Variants in RCBTB1 observed in about 807,000 individuals in gnomAD.
The protein encoded by RCBTB1 is RCC1 and BTB domain-containing protein 1.
In RCBTB1, 46 loss-of-function variants were observed where a neutral mutation model predicts 62.4. That is an observed-to-expected ratio of 0.74 (90% CI 0.58 to 0.94). The LOEUF (loss-of-function observed/expected upper bound fraction) is 0.94. RCBTB1 is among the 40% of genes least tolerant of loss of function. The pLI is 0.00. For missense variants in RCBTB1, 565 were observed against 654.9 expected (o/e 0.86, Z 1.50); for synonymous variants, 222 against 245.8 (o/e 0.90, Z 0.91).
chr13:49,561,313 G>C (rs1425656198), intron 4 of RCBTB1, among the ~76,000 whole-genome samples: 2 of 152,196 alleles, frequency 1.3e-5, no homozygotes, highest in Non-Finnish European at 2.9e-5. Context: ...ACTGTAGAAC[G>C]AAGACAGCCC....
In RCBTB1 at chr13:49,564,965, G is replaced by C. The variant is rs377375340; in HGVS notation, c.277+1653C>G. Among the ~76,000 whole-genome samples, 10 of 152,156 alleles carry C rather than the reference G, an allele frequency of 6.6e-5. No individual in the cohort carries two copies. The East Asian group carries it at 1.4e-3, about 21-fold the overall frequency. On this transcript the variant is annotated intron_variant, in intron 4 of 12. Coordinates refer to ENST00000378302, the MANE Select transcript of RCBTB1 (RefSeq NM_018191.4). The stretch of plus-strand genomic sequence containing the variant: ...AAGTTGCATTGCAGAACAAAGACCA[G>C]TGAGCTATTAAGGAATAGGATTGCA...
intron 12 of RCBTB1, 102 bp from the exon 13 acceptor site, chr13:49,534,364 C>A (rs1187467340): frequency 8.0e-7 from 1 of 1,243,498 alleles, no homozygotes; most frequent in Non-Finnish European, 1.1e-6. Flanking sequence ...CACCCTCCCC[C>A]AGAAAAGATA....
rs548915176 is a variant in RCBTB1 at position 49,567,378 on chromosome 13, A to G, written c.-41-58T>C. On this transcript the variant is annotated intron_variant, in intron 2 of 12. Transcript: ENST00000378302. ...TAAATAGTCACTGAGCTAACTTTCA[A>G]AAAAAAGACCTGTTAATAAATACTA... 109 of 1,309,996 alleles carry G rather than the reference A, an allele frequency of 8.3e-5. 3 individuals carry two copies. The South Asian group carries it at 1.4e-3, about 17-fold the overall frequency. 81.1% of individuals were successfully genotyped at this position (1,309,996 alleles called of 1,614,324 possible). A position where few individuals can be genotyped will look rare whatever the true frequency, so the allele number is the denominator to read the frequency against.
At chr13:49,566,896 G>A (rs1370166952) in intron 3 of RCBTB1, 128 bp from the exon 4 acceptor site, 7 of 961,178 alleles carry the variant, frequency 7.3e-6, no homozygotes, top group Non-Finnish European at 9.0e-6. Context: ...TGATATGGTT[G>A]TTAAGAAAAA....
chr13:49,567,084 G>C (rs1442831705), intron 3 of RCBTB1, 70 bp downstream of exon 3: 1 of 1,460,350 alleles, frequency 6.8e-7, no homozygotes, highest in East Asian at 2.3e-5. Flanking sequence ...CTCCATCTTT[G>C]AACTGGACAC....
intron 2 of RCBTB1, among the ~76,000 whole-genome samples, chr13:49,569,034 A>C (rs1350018120): frequency 6.6e-6 from 1 of 152,238 alleles, no homozygotes; most frequent in African/African-American, 2.4e-5. Context: ...TCATTCATTT[A>C]ATCCTCACTT....
chr13:49,536,151 G>C (rs895651152), intron 12 of RCBTB1, among the ~76,000 whole-genome samples: 8 of 152,016 alleles, frequency 5.3e-5, no homozygotes, highest in African/African-American at 1.9e-4. Flanking sequence ...CAATTAGTTT[G>C]AACTACTGAG....
Position 49,566,668 on chromosome 13 carries a change from ATCT to A in RCBTB1, c.224_226del (p.Lys75del), listed in dbSNP as rs1963037497. On this transcript the variant is annotated inframe_deletion, in exon 4 of 13. Coordinates refer to ENST00000378302, the MANE Select transcript of RCBTB1 (RefSeq NM_018191.4). ...TCCACTCCCGTAACTGAGGCTTTTA[ATCT>A]TCTTTCCACATAAGCCTTCTAGCTT... The A allele has an allele frequency of 3.1e-6, 5 of 1,614,046 alleles. No homozygotes were observed. The highest frequency in any genetic ancestry group is 3.3e-5 in the Admixed American group (2 of 60,002).
At chr13:49,581,229 G>A (rs1340614059) in intron 1 of RCBTB1, among the ~76,000 whole-genome samples, 1 of 151,954 alleles carries the variant, frequency 6.6e-6, no homozygotes, top group Non-Finnish European at 1.5e-5. Context: ...AAGTCCAGAT[G>A]GCTATGGTAA....
chr13:49,556,441 C>T (rs996472712), intron 5 of RCBTB1, among the ~76,000 whole-genome samples: 11 of 152,132 alleles, frequency 7.2e-5, no homozygotes, highest in African/African-American at 2.2e-4. Flanking sequence ...CCACCCATCT[C>T]GGCCTCCCAA....
Position 49,555,646 on chromosome 13 carries a change from C to T in RCBTB1, c.472G>A (p.Gly158Ser). The T allele has an allele frequency of 6.2e-7, 1 of 1,607,894 alleles. No homozygotes were observed. The change falls in exon 6 of 13, where the codon GGC (glycine) becomes AGC (serine). Residue 158 changes from glycine (G) to serine (S), a missense_variant. Transcript: ENST00000378302. ...GCTGTAGAACCTGATCCCACTTGGC[C>T]ACAGTTGTTATAACCCCAAGCAAAC... ...EVFAWGYNNCGQVGSGSTANQ... is the reference protein window; with the variant it reads ...EVFAWGYNNCSQVGSGSTANQ...
chr13:49,562,347 C>T (rs568140679), intron 4 of RCBTB1, among the ~76,000 whole-genome samples: 1 of 151,776 alleles, frequency 6.6e-6, no homozygotes, highest in African/African-American at 2.4e-5. Context: ...GAAGATCAGG[C>T]CAGGCATGGT....
chr13:49,550,215 G>A (rs897777668), intron 8 of RCBTB1, among the ~76,000 whole-genome samples: 2 of 152,130 alleles, frequency 1.3e-5, no homozygotes, highest in African/African-American at 2.4e-5. Flanking sequence ...CTGGGCTCAA[G>A]TGATCCTCTG....
Position 49,571,676 on chromosome 13 carries a change from C to A in RCBTB1, c.-41-4356G>T, listed in dbSNP as rs906474879. ...TTGTGGGGCTATGTGCCAGGCAGAACAACAGAACAGGGTCCTTAACTTGGG... is the reference window on the plus strand; with the variant it reads ...TTGTGGGGCTATGTGCCAGGCAGAAAAACAGAACAGGGTCCTTAACTTGGG... On this transcript the variant is annotated intron_variant, in intron 2 of 12. Transcript: ENST00000378302. 6.6e-5 allele frequency among the ~76,000 whole-genome samples: 10 copies of A among 152,248 alleles called. No homozygotes were observed. In the Middle Eastern group the frequency reaches 0.01, roughly 155 times the overall value.
intron 6 of RCBTB1, among the ~76,000 whole-genome samples, chr13:49,552,534 G>A (rs1462690363): frequency 6.6e-6 from 1 of 152,112 alleles, no homozygotes; most frequent in Non-Finnish European, 1.5e-5. Context: ...TAATACATGA[G>A]GAAGTTGAGC....
At chr13:49,541,111 T>C in intron 11 of RCBTB1, 105 bp from the exon 12 acceptor site, 1 of 926,938 alleles carries the variant, frequency 1.1e-6, no homozygotes. Flanking sequence ...TAGAAGTTTC[T>C]TAGTGGATAA....
At chr13:49,582,623 T>C (rs1241375115) in intron 1 of RCBTB1, among the ~76,000 whole-genome samples, 1 of 152,258 alleles carries the variant, frequency 6.6e-6, no homozygotes, top group Non-Finnish European at 1.5e-5. Context: ...ATCCAGATGC[T>C]GGAGACATAC....
At chr13:49,564,662 T>C (rs1183969287) in intron 4 of RCBTB1, among the ~76,000 whole-genome samples, 4 of 135,340 alleles carry the variant, frequency 3.0e-5, no homozygotes, top group African/African-American at 1.1e-4. Context: ...GAGGCTGAGG[T>C]GGGCGGATCA....
chr13:49,568,664 C>T (rs1963192668), intron 2 of RCBTB1, among the ~76,000 whole-genome samples: 1 of 151,428 alleles, frequency 6.6e-6, no homozygotes, highest in Non-Finnish European at 1.5e-5. Flanking sequence ...AGGGGGGTGG[C>T]TCACACCTGT....
Sources: allele counts gnomAD v4.1 joint callset (sites outside exome capture counted in the v4.1 genomes callset), GRCh38; gene constraint gnomAD v4.1.1; transcripts MANE v1.5; gene names NCBI Gene and HGNC (gene_info 2026-07-23, HGNC 2026-07-21).